ODF1: variants seen among roughly 807,000 people sequenced by gnomAD.
The protein encoded by ODF1 is outer dense fiber protein 1.
ODF1 carries 10 observed loss-of-function variants against 24.0 expected under a neutral mutation model. The observed-to-expected ratio is 0.42, with a 90% confidence interval of 0.26 to 0.71. ODF1 has a LOEUF of 0.71. ODF1 is among the 30% of genes least tolerant of loss of function. The probability of loss-of-function intolerance (pLI) is 0.28; values close to 1 mark genes in which losing one functional copy is unlikely to be tolerated. For missense variants in ODF1, 282 were observed against 307.9 expected, an observed-to-expected ratio of 0.92 and a Z score of 0.63; for synonymous variants, 118 against 121.3, an observed-to-expected ratio of 0.97 and a Z score of 0.18.
In ODF1 at chr8:102,560,822, G is replaced by T; in HGVS notation, c.691G>T (p.Asp231Tyr). 1 of 1,613,238 alleles carries T rather than the reference G, an allele frequency of 6.2e-7. No homozygotes were observed. The highest frequency in any genetic ancestry group is 8.5e-7 in the Non-Finnish European group (1 of 1,179,618). Reference protein sequence around the residue: ...CSPCNPCSPYDPCNPCYPCGS... With the variant: ...CSPCNPCSPYYPCNPCYPCGS... ...CCCCTGCAACCCGTGCAGCCCATAT[G>T]ATCCTTGCAACCCGTGTTATCCCTG... Residue 231 changes from aspartate (D) to tyrosine (Y), a missense_variant, in exon 2 of 2, where the codon GAT becomes TAT. Asp to Tyr is a radical substitution (Grantham distance 160). Coordinates refer to ENST00000285402, the MANE Select transcript of ODF1 (RefSeq NM_024410.4).
At chr8:102,557,513 G>GA (rs1384533721) in intron 1 of ODF1, among the ~76,000 whole-genome samples, 2 of 152,186 alleles carry the variant, frequency 1.3e-5, no homozygotes, top group Non-Finnish European at 2.9e-5. Context: ...CCAGAATAGA[G>GA]AAAAAAGAGG....
chr8:102,554,478 C>A (rs905740384), intron 1 of ODF1, among the ~76,000 whole-genome samples: 1 of 152,164 alleles, frequency 6.6e-6, no homozygotes. Context: ...TGCCTTGGCC[C>A]CCTTGAAACT....
chr8:102,559,536 T>C (rs1826152757), intron 1 of ODF1, among the ~76,000 whole-genome samples: 1 of 151,636 alleles, frequency 6.6e-6, no homozygotes, highest in African/African-American at 2.4e-5. Flanking sequence ...GGAAGAGATG[T>C]ACACGATCAG....
rs758438919 is a variant in ODF1 at position 102,560,529 on chromosome 8, G to T, written c.398G>T (p.Gly133Val). 6.2e-7 allele frequency: 1 copy of T among 1,614,214 alleles called. No individual in the cohort carries two copies. Among genetic ancestry groups the T allele is most frequent in the East Asian group, 2.2e-5 (1 of 44,892 alleles). ...SNILGSVNVC[G>V]FEPDQVKVRV... ...ATTTTAGGATCGGTGAATGTATGCGGTTTTGAACCCGATCAAGTCAAAGTT... is the reference window on the plus strand; with the variant it reads ...ATTTTAGGATCGGTGAATGTATGCGTTTTTGAACCCGATCAAGTCAAAGTT... Residue 133 changes from glycine to valine, a missense_variant, in exon 2 of 2, where the codon GGT becomes GTT. Gly to Val is a moderately radical substitution (Grantham distance 109, BLOSUM62 -3). Transcript: ENST00000285402.
At position 102,560,893 on chromosome 8, in the gene ODF1, T is replaced by TA; in HGVS notation, c.*10dup. 6.4e-7 allele frequency: 1 copy of TA among 1,569,954 alleles called. No individual in the cohort carries two copies. Among genetic ancestry groups the TA allele is most frequent in the Non-Finnish European group, 8.7e-7 (1 of 1,147,140 alleles). ...GGAAGATGATTTTGTAAAGTGCGCATAGGAACCCATTACTTAATAGAAGTC... is the reference window on the plus strand; with the variant it reads ...GGAAGATGATTTTGTAAAGTGCGCATAAGGAACCCATTACTTAATAGAAGTC... On this transcript the variant is annotated 3_prime_UTR_variant, in exon 2 of 2. Transcript: ENST00000285402.
rs372688769 is a variant in ODF1 at position 102,560,808 on chromosome 8, C to T, written c.677C>T (p.Pro226Leu). ...TGCAACCCCTGCAGCCCCTGCAACCCGTGCAGCCCATATGATCCTTGCAAC... is the reference window on the plus strand; with the variant it reads ...TGCAACCCCTGCAGCCCCTGCAACCTGTGCAGCCCATATGATCCTTGCAAC... ...SPCNPCSPCN[P>L]CSPYDPCNPC... The change falls in exon 2 of 2, where the codon CCG becomes CTG. Residue 226 changes from proline (P) to leucine (L), a missense_variant. By Grantham distance (98) the Pro-to-Leu change is moderately conservative. Coordinates refer to ENST00000285402, the MANE Select transcript of ODF1 (RefSeq NM_024410.4). The T allele has an allele frequency of 1.9e-4, 165 of 854,824 alleles. No homozygotes were observed. Among genetic ancestry groups the T allele is most frequent in the Non-Finnish European group, 2.4e-4 (155 of 652,378 alleles). 53.0% of individuals were successfully genotyped at this position (854,824 alleles called of 1,614,324 possible). A position where few individuals can be genotyped will look rare whatever the true frequency, so the allele number is the denominator to read the frequency against.
chr8:102,558,323 G>A lies in ODF1; in HGVS notation c.321-2129G>A, dbSNP rs951275842. On this transcript the variant is annotated intron_variant, in intron 1 of 1. Coordinates refer to ENST00000285402, the MANE Select transcript of ODF1 (RefSeq NM_024410.4). ...AAAATAATTAGCCGAGCATGGTGGC[G>A]GGCACCTGTACTCCCAGCTACTCAG... is the stretch of plus-strand genomic sequence containing the variant. Among the ~76,000 whole-genome samples the A allele has an allele frequency of 5.3e-5, 8 of 152,236 alleles. No homozygotes were observed. In the East Asian group the frequency reaches 5.8e-4, roughly 11 times the overall value.
chr8:102,551,630 T>C lies in ODF1; in HGVS notation c.-98T>C. On this transcript the variant is annotated 5_prime_UTR_variant, in exon 1 of 2. Transcript: ENST00000285402. ...AGTAAGTGAATCATGTGTGCCTCAT[T>C]TATTTTTAAAAGCAACTTCTGAGAA... is the stretch of plus-strand genomic sequence containing the variant. 1.1e-6 allele frequency: 1 copy of C among 944,098 alleles called. No individual in the cohort carries two copies. Among genetic ancestry groups the C allele is most frequent in the Non-Finnish European group, 1.6e-6 (1 of 631,606 alleles). The allele number at this position is 944,098 out of a possible 1,614,324, so 58.5% of individuals were successfully genotyped here. A position where few individuals can be genotyped will look rare whatever the true frequency, so the allele number is the denominator to read the frequency against.
chr8:102,556,895 C>G (rs1191892350), intron 1 of ODF1, among the ~76,000 whole-genome samples: 1 of 152,200 alleles, frequency 6.6e-6, no homozygotes, highest in African/African-American at 2.4e-5. Flanking sequence ...CCTGCCCCAC[C>G]TGGTTCCCTG....
At chr8:102,560,332 C>G in intron 1 of ODF1, 120 bp from the exon 2 acceptor site, 1 of 901,306 alleles carries the variant, frequency 1.1e-6, no homozygotes, top group Non-Finnish European at 1.7e-6. Flanking sequence ...TTTATTTTCA[C>G]AATGGCTAGT....
At chr8:102,557,109 C>A (rs780759136) in intron 1 of ODF1, among the ~76,000 whole-genome samples, 23 of 152,280 alleles carry the variant, frequency 1.5e-4, no homozygotes, top group Non-Finnish European at 3.1e-4. Flanking sequence ...CAGACACAGG[C>A]ACTGGCTGTC....
intron 1 of ODF1, among the ~76,000 whole-genome samples, chr8:102,558,227 G>A (rs575255075): frequency 2.6e-5 from 4 of 152,214 alleles, no homozygotes; most frequent in South Asian, 2.1e-4. Flanking sequence ...TGAAGTGGGC[G>A]GATCACAAGG....
intron 1 of ODF1, among the ~76,000 whole-genome samples, chr8:102,557,096 C>A (rs1176256476): frequency 7.2e-5 from 11 of 152,184 alleles, no homozygotes; most frequent in Admixed American, 7.2e-4. Flanking sequence ...CCGCACAGAG[C>A]AGCAGACACA....
chr8:102,551,821 A>G lies in ODF1; in HGVS notation c.94A>G (p.Ser32Gly). The G allele has an allele frequency of 1.2e-6, 2 of 1,614,190 alleles. No individual in the cohort carries two copies. The highest frequency in any genetic ancestry group is 1.7e-6 in the Non-Finnish European group (2 of 1,180,028). ...LRQLRCIDEF[S>G]TRCLCDLYMH... ...GCAACTGAGATGCATCGACGAATTT[A>G]GCACACGGTGCCTGTGCGACTTGTA... The change falls in exon 1 of 2, where the codon AGC (serine) becomes GGC (glycine). Residue 32 changes from serine (S) to glycine (G), a missense_variant. Ser to Gly is a moderately conservative substitution (Grantham distance 56, BLOSUM62 0). Coordinates refer to ENST00000285402, the MANE Select transcript of ODF1 (RefSeq NM_024410.4).
rs958659611 is a variant in ODF1 at position 102,560,988 on chromosome 8, G to A, written c.*104G>A. 2.2e-5 allele frequency: 24 copies of A among 1,095,210 alleles called. No individual in the cohort carries two copies. The highest frequency in any genetic ancestry group is 2.2e-4 in the Middle Eastern group (1 of 4,496). 67.8% of individuals were successfully genotyped at this position (1,095,210 alleles called of 1,614,324 possible). Reference sequence around the variant, plus strand: ...CCCATGGCCCCTGTTGTTGAAGTACGTAGGAAACTGAATACATAACTGCAA... The same window carrying A: ...CCCATGGCCCCTGTTGTTGAAGTACATAGGAAACTGAATACATAACTGCAA... On this transcript the variant is annotated 3_prime_UTR_variant, in exon 2 of 2. Transcript: ENST00000285402.
Position 102,560,928 on chromosome 8 carries a change from A to G in ODF1, c.*44A>G. 1 of 1,528,156 alleles carries G rather than the reference A, an allele frequency of 6.5e-7. No individual in the cohort carries two copies. Among genetic ancestry groups the G allele is most frequent in the South Asian group, 1.3e-5 (1 of 79,472 alleles). The allele number at this position is 1,528,156 out of a possible 1,614,324, so 94.7% of individuals were successfully genotyped here. A position where few individuals can be genotyped will look rare whatever the true frequency, so the allele number is the denominator to read the frequency against. ...TTACTTAATAGAAGTCAGTTACTCC[A>G]GCCAGGCAGCTCTCCCAATGTTTCT... On this transcript the variant is annotated 3_prime_UTR_variant, in exon 2 of 2. Coordinates refer to ENST00000285402, the MANE Select transcript of ODF1 (RefSeq NM_024410.4).
chr8:102,560,609 T>C lies in ODF1; in HGVS notation c.478T>C (p.Cys160Arg). The C allele has an allele frequency of 6.2e-7, 1 of 1,614,238 alleles. No homozygotes were observed. The highest frequency in any genetic ancestry group is 8.5e-7 in the Non-Finnish European group (1 of 1,180,046). Residue 160 changes from cysteine to arginine, a missense_variant, in exon 2 of 2, where the codon TGC (cysteine) becomes CGC (arginine). Transcript: ENST00000285402. ...VSAERENRYD[C>R]LGSKKYSYMN... ...GGCTGAGCGGGAGAACAGGTACGAC[T>C]GCCTTGGATCGAAAAAGTACAGCTA...
chr8:102,554,466 G>A (rs1476183127), intron 1 of ODF1, among the ~76,000 whole-genome samples: 1 of 152,172 alleles, frequency 6.6e-6, no homozygotes, highest in Non-Finnish European at 1.5e-5. Context: ...ATAGTCTATA[G>A]TTGCCTTGGC....
chr8:102,552,192 AAAG>A (rs1272677710), intron 1 of ODF1, 145 bp downstream of exon 1: 6 of 597,930 alleles, frequency 1.0e-5, no homozygotes, highest in Non-Finnish European at 1.7e-5. Context: ...AGATTTAAGG[AAAG>A]AAGAGTAAAT....
Sources: allele counts gnomAD v4.1 joint callset (sites outside exome capture counted in the v4.1 genomes callset), GRCh38; gene constraint gnomAD v4.1.1; transcripts MANE v1.5; gene names NCBI Gene and HGNC (gene_info 2026-07-23, HGNC 2026-07-21).